The following RABEP1 variants were observed in gnomAD, a reference collection of about 807,000 sequenced individuals.
RABEP1 encodes the protein rab GTPase-binding effector protein 1.
Under a neutral mutation model 123.4 loss-of-function variants are expected in RABEP1, and 51 were observed. The observed-to-expected ratio is 0.41, with a 90% CI of 0.33 to 0.52. The LOEUF (loss-of-function observed/expected upper bound fraction) is 0.52, where lower values mean the gene tolerates loss of function less well. Ranked by LOEUF, RABEP1 falls within the 20% of genes least tolerant of loss-of-function variation. The probability of loss-of-function intolerance (pLI) is 0.16; values close to 1 mark genes in which losing one functional copy is unlikely to be tolerated. For synonymous variants in RABEP1, 347 were observed against 355.2 expected (o/e 0.98, Z 0.26); for missense variants, 888 against 996.3 (o/e 0.89, Z 1.46).
At position 5,346,784 on chromosome 17, in the gene RABEP1, T is replaced by C; in HGVS notation, c.649-6T>C. 1.3e-6 allele frequency: 2 copies of C among 1,522,022 alleles called. No homozygotes were observed. The highest frequency in any genetic ancestry group is 1.8e-6 in the Non-Finnish European group (2 of 1,128,972). The allele number at this position is 1,522,022 out of a possible 1,614,324, so 94.3% of individuals were successfully genotyped here. Reference sequence around the variant, plus strand: ...TTCAGTTTAATGGAATTGCATCTTCTTTCAGGTTAAAGAACTGAATCATTA... The same window carrying C: ...TTCAGTTTAATGGAATTGCATCTTCCTTCAGGTTAAAGAACTGAATCATTA... On this transcript the variant is annotated splice_region_variant and splice_polypyrimidine_tract_variant and intron_variant, in intron 5 of 17. Transcript: ENST00000537505.
intron 11 of RABEP1, among the ~76,000 whole-genome samples, chr17:5,367,460 G>A (rs181633627): frequency 5.4e-4 from 82 of 151,630 alleles, no homozygotes; most frequent in East Asian, 1.2e-3. Context: ...TAGTAGAGAC[G>A]GGGTTTCACC....
intron 15 of RABEP1, among the ~76,000 whole-genome samples, chr17:5,379,500 C>T (rs1567555875): frequency 6.6e-6 from 1 of 152,174 alleles, no homozygotes; most frequent in Admixed American, 6.5e-5. Flanking sequence ...CCCTCTGTTG[C>T]CACAGTCTTG....
intron 15 of RABEP1, among the ~76,000 whole-genome samples, chr17:5,379,265 C>T (rs1303483569): frequency 6.6e-6 from 1 of 152,194 alleles, no homozygotes; most frequent in Non-Finnish European, 1.5e-5. Context: ...TCTTTTTCTT[C>T]AGAGAATATC....
intron 6 of RABEP1, among the ~76,000 whole-genome samples, chr17:5,350,048 A>C (rs895796044): frequency 2.0e-5 from 3 of 152,154 alleles, no homozygotes; most frequent in African/African-American, 7.2e-5. Context: ...GATGTGGACC[A>C]TTGGTCAGAC....
At chr17:5,294,041 A>G (rs2075057538) in intron 1 of RABEP1, among the ~76,000 whole-genome samples, 2 of 152,208 alleles carry the variant, frequency 1.3e-5, no homozygotes, top group African/African-American at 4.8e-5. Flanking sequence ...AAAAAGTGTA[A>G]AGTGAACAGT....
chr17:5,330,184 C>T (rs1039955026), intron 2 of RABEP1, among the ~76,000 whole-genome samples: 3 of 152,184 alleles, frequency 2.0e-5, no homozygotes, highest in African/African-American at 7.2e-5. Flanking sequence ...TTTGTGGTTT[C>T]ACGTGTTTAC....
At position 5,359,921 on chromosome 17, in the gene RABEP1, GC is replaced by G. The variant is rs1297461413; in HGVS notation, c.1096-1286del. 2.0e-5 allele frequency among the ~76,000 whole-genome samples: 3 copies of G among 152,140 alleles called. No homozygotes were observed. The East Asian group carries it at 5.8e-4, about 29-fold the overall frequency. ...CTGCTTCATGTAATGGCACTGGTTT[GC>G]TTTTTGCCTTCAGGAATGTGCTGTA... On this transcript the variant is annotated intron_variant, in intron 8 of 17. Coordinates refer to ENST00000537505, the MANE Select transcript of RABEP1 (RefSeq NM_004703.6).
Position 5,373,348 on chromosome 17 carries a change from A to G in RABEP1, c.1919A>G (p.Glu640Gly), listed in dbSNP as rs3026099. The change falls in exon 13 of 18, where the codon GAA becomes GGA. Residue 640 changes from glutamate (E) to glycine (G), a missense_variant. Glu to Gly is a moderately conservative substitution (Grantham distance 98). Coordinates refer to ENST00000537505, the MANE Select transcript of RABEP1 (RefSeq NM_004703.6). ...VLMQSREQVS[E>G]ELVRLQKDND... is the part of the protein sequence containing the mutation. Reference sequence around the variant, plus strand: ...ATGCAGTCACGGGAACAGGTTTCAGAAGAGCTGGTGAGGTTACAGAAAGAT... The same window carrying G: ...ATGCAGTCACGGGAACAGGTTTCAGGAGAGCTGGTGAGGTTACAGAAAGAT... The G allele has an allele frequency of 2.7e-4, 430 of 1,613,328 alleles. No homozygotes were observed. In the African/African-American group the frequency reaches 5.2e-3, roughly 20 times the overall value.
chr17:5,350,435 G>T lies in RABEP1; in HGVS notation c.785-16G>T, dbSNP rs1194061356. 2 of 1,593,050 alleles carry T rather than the reference G, an allele frequency of 1.3e-6. No individual in the cohort carries two copies. The highest frequency in any genetic ancestry group is 1.7e-6 in the Non-Finnish European group (2 of 1,172,192). On this transcript the variant is annotated splice_polypyrimidine_tract_variant and intron_variant, in intron 6 of 17. Transcript: ENST00000537505. ...ATTCAGTGTTTTTGATTTGTGGTGG[G>T]GGGGTTCCTAAACAGTTTGCCATCT...
chr17:5,306,528 T>G (rs772592839), intron 1 of RABEP1, among the ~76,000 whole-genome samples: 11 of 151,688 alleles, frequency 7.3e-5, no homozygotes, highest in Non-Finnish European at 1.2e-4. Context: ...CTCGGGAGGC[T>G]GAGGCAGAAG....
At chr17:5,373,042 G>A (rs577766758) in intron 12 of RABEP1, among the ~76,000 whole-genome samples, 7 of 152,228 alleles carry the variant, frequency 4.6e-5, no homozygotes, top group Non-Finnish European at 8.8e-5. Flanking sequence ...ACAGGCGTGA[G>A]CCACCACACC....
Position 5,310,301 on chromosome 17 carries a change from C to CTTTTTTTTTTTTTTTTTTTTTTTTT in RABEP1, c.163+1497_163+1498insTTTTTTTTTTTTTTTTTTTTTTTTT, listed in dbSNP as rs11432831. Among the ~76,000 whole-genome samples the CTTTTTTTTTTTTTTTTTTTTTTTTT allele has an allele frequency of 2.8e-4, 35 of 126,412 alleles. 3 individuals carry two copies. The highest frequency in any genetic ancestry group is 4.4e-3 in the Middle Eastern group (1 of 228). The allele number at this position is 126,412 out of a possible 152,430, so 82.9% of individuals were successfully genotyped here. A position where few individuals can be genotyped will look rare whatever the true frequency, so the allele number is the denominator to read the frequency against. On this transcript the variant is annotated intron_variant, in intron 2 of 17. Transcript: ENST00000537505. ...TTACAATTTAAATGAAAGCTTCGTC[C>CTTTTTTTTTTTTTTTTTTTTTTTTT]TTTTTTTTTTTTTTTTTTGAGATGG...
At chr17:5,330,979 G>A (rs1906479768) in intron 2 of RABEP1, among the ~76,000 whole-genome samples, 1 of 147,894 alleles carries the variant, frequency 6.8e-6, no homozygotes, top group African/African-American at 2.5e-5. Context: ...GTCTATGTTT[G>A]CGTCACTGCA....
Position 5,383,271 on chromosome 17 carries a change from C to T in RABEP1, c.*48C>T, listed in dbSNP as rs1358480037. 1 of 1,387,074 alleles carries T rather than the reference C, an allele frequency of 7.2e-7. No individual in the cohort carries two copies. Among genetic ancestry groups the T allele is most frequent in the Non-Finnish European group, 1.0e-6 (1 of 974,490 alleles). 85.9% of individuals were successfully genotyped at this position (1,387,074 alleles called of 1,614,324 possible). On this transcript the variant is annotated 3_prime_UTR_variant, in exon 18 of 18. Transcript: ENST00000537505. ...CCTGCACTTTGGGTTTTTAACTCAT[C>T]TTTAGAGCAACAGTAATTATTATTT...
At chr17:5,360,418 C>G (rs11652949) in intron 8 of RABEP1, among the ~76,000 whole-genome samples, 2 of 152,028 alleles carry the variant, frequency 1.3e-5, no homozygotes, top group Admixed American at 1.3e-4. Flanking sequence ...AAACATTAGC[C>G]GGGCGAGGTG....
At chr17:5,372,779 T>G (rs1048714085) in intron 12 of RABEP1, among the ~76,000 whole-genome samples, 4 of 151,580 alleles carry the variant, frequency 2.6e-5, no homozygotes, top group African/African-American at 9.7e-5. Context: ...TTTTTTGAGA[T>G]GGAGTCTTGC....
At chr17:5,290,657 A>G (rs544814058) in intron 1 of RABEP1, among the ~76,000 whole-genome samples, 10 of 152,270 alleles carry the variant, frequency 6.6e-5, no homozygotes, top group East Asian at 3.9e-4. Context: ...CAGTGCCGCT[A>G]TCTTAGCTGA....
intron 1 of RABEP1, among the ~76,000 whole-genome samples, chr17:5,301,943 A>G (rs2075138491): frequency 6.6e-6 from 1 of 152,148 alleles, no homozygotes; most frequent in Non-Finnish European, 1.5e-5. Flanking sequence ...CAAAAAAGCT[A>G]GAGTAGATTT....
In RABEP1 at chr17:5,363,025, C is replaced by T. The variant is rs1319412348; in HGVS notation, c.1668+9C>T. ...CTGAAACGAGAGACCAGGTGAGTTT[C>T]TTCTGGATGCGCCAAATTGGATATT... On this transcript the variant is annotated intron_variant, in intron 10 of 17. Coordinates refer to ENST00000537505, the MANE Select transcript of RABEP1 (RefSeq NM_004703.6). 1.3e-6 allele frequency: 2 copies of T among 1,590,560 alleles called. No homozygotes were observed. The highest frequency in any genetic ancestry group is 1.7e-5 in the Admixed American group (1 of 59,946).
Sources: gnomAD v4.1 joint callset for allele counts (sites outside exome capture counted in the v4.1 genomes callset) on GRCh38, gnomAD v4.1.1 for gene constraint, MANE v1.5 for transcripts, NCBI Gene and HGNC (gene_info 2026-07-23, HGNC 2026-07-21) for gene names.